MAPT: variants seen among roughly 807,000 people sequenced by gnomAD.
MAPT encodes microtubule-associated protein tau.
In MAPT, 34 loss-of-function variants were observed where a neutral mutation model predicts 67.9. That is an observed-to-expected ratio of 0.50 (90% CI 0.38 to 0.67). The LOEUF (loss-of-function observed/expected upper bound fraction) is 0.67, where lower values mean the gene tolerates loss of function less well. Among genes scored for constraint, MAPT ranks in the 30% least tolerant of loss-of-function variants. The pLI, the probability that MAPT is intolerant of heterozygous loss-of-function variation, is 0.00. For missense variants in MAPT, 881 were observed against 1,115.2 expected, an observed-to-expected ratio of 0.79 and a Z score of 2.99; for synonymous variants, 456 against 464.5, an observed-to-expected ratio of 0.98 and a Z score of 0.23.
rs118109282 is a variant in MAPT at position 46,014,051 on chromosome 17, C to T, written c.2092-192C>T. Among the ~76,000 whole-genome samples the T allele has an allele frequency of 6.4e-3, 982 of 152,316 alleles. 5 individuals are homozygous for T. Among genetic ancestry groups the T allele is most frequent in the Non-Finnish European group, 0.011 (728 of 68,034 alleles). On this transcript the variant is annotated intron_variant, in intron 10 of 12. Transcript: ENST00000262410. ...CAGGGTTGGCAGAATTTCGACAACA[C>T]ATTTTTCCACCCTGACTAGGATGTG... is the stretch of plus-strand genomic sequence containing the variant.
chr17:45,990,713 A>G (rs2073994524), intron 7 of MAPT, among the ~76,000 whole-genome samples: 1 of 152,196 alleles, frequency 6.6e-6, no homozygotes, highest in South Asian at 2.1e-4. Context: ...GGACAGCATC[A>G]CGCCATAGCA....
chr17:45,986,673 A>G (rs2073572161), intron 5 of MAPT, among the ~76,000 whole-genome samples: 1 of 152,182 alleles, frequency 6.6e-6, no homozygotes, highest in Non-Finnish European at 1.5e-5. Flanking sequence ...CAGTGGGGTG[A>G]GGCTGACCCT....
At chr17:45,931,100 T>C (rs1409861947) in intron 1 of MAPT, among the ~76,000 whole-genome samples, 1 of 152,172 alleles carries the variant, frequency 6.6e-6, no homozygotes, top group Non-Finnish European at 1.5e-5. Flanking sequence ...ATTGATGGTC[T>C]GGGGGAAAAG....
intron 1 of MAPT, among the ~76,000 whole-genome samples, chr17:45,930,968 C>A (rs2066800978): frequency 6.6e-6 from 1 of 152,148 alleles, no homozygotes; most frequent in Non-Finnish European, 1.5e-5. Flanking sequence ...ATGTCACATC[C>A]CGGCCCCAAG....
At chr17:46,009,614 G>C (rs2075685676) in intron 9 of MAPT, among the ~76,000 whole-genome samples, 1 of 152,184 alleles carries the variant, frequency 6.6e-6, no homozygotes, top group Non-Finnish European at 1.5e-5. Flanking sequence ...CCCCTTGCAG[G>C]GACAGAGCCC....
At chr17:46,013,600 T>C (rs977033969) in intron 10 of MAPT, among the ~76,000 whole-genome samples, 2 of 152,242 alleles carry the variant, frequency 1.3e-5, no homozygotes, top group Non-Finnish European at 2.9e-5. Flanking sequence ...TCCAGGACAC[T>C]GAGTGTGCAG....
At chr17:45,913,381 CAT>C (rs769272924) in intron 1 of MAPT, among the ~76,000 whole-genome samples, 4 of 152,220 alleles carry the variant, frequency 2.6e-5, no homozygotes, top group Non-Finnish European at 5.9e-5. Context: ...CCTCCCACAA[CAT>C]GTGGGAATTC....
At chr17:45,992,751 C>T (rs1299145492) in intron 8 of MAPT, among the ~76,000 whole-genome samples, 4 of 152,048 alleles carry the variant, frequency 2.6e-5, no homozygotes, top group Admixed American at 6.6e-5. Context: ...ATTAGCTGGG[C>T]GTGGTGGCGG....
At chr17:45,916,741 G>A (rs961825413) in intron 1 of MAPT, among the ~76,000 whole-genome samples, 2 of 152,230 alleles carry the variant, frequency 1.3e-5, no homozygotes, top group Admixed American at 6.5e-5. Context: ...ATCACAAGGT[G>A]TTAAGGACCA....
intron 9 of MAPT, among the ~76,000 whole-genome samples, chr17:46,006,853 G>A (rs912972863): frequency 1.3e-4 from 20 of 152,040 alleles, no homozygotes; most frequent in African/African-American, 4.3e-4. Flanking sequence ...AACCCGGGAG[G>A]CGGAGCTTGC....
At chr17:45,922,510 C>A (rs1463507914) in intron 1 of MAPT, among the ~76,000 whole-genome samples, 1 of 142,788 alleles carries the variant, frequency 7.0e-6, no homozygotes, top group African/African-American at 2.5e-5. Context: ...CACACACACA[C>A]ACACACACAG....
At chr17:45,969,068 C>G (rs1410059206) in intron 2 of MAPT, 1 of 152,178 alleles carries the variant, frequency 6.6e-6, no homozygotes, top group Non-Finnish European at 1.5e-5. Flanking sequence ...TCCAGTCTTC[C>G]AGAGTTGAGT....
chr17:45,966,422 TA>T (rs569775987), intron 2 of MAPT, among the ~76,000 whole-genome samples: 18 of 151,746 alleles, frequency 1.2e-4, no homozygotes, highest in Admixed American at 7.9e-4. Flanking sequence ...ATCCTGTCTC[TA>T]AAAAAAATCA....
intron 10 of MAPT, among the ~76,000 whole-genome samples, chr17:46,011,742 T>C (rs76723223): frequency 0.14 from 21,800 of 152,082 alleles, 2,132 homozygotes; most frequent in Non-Finnish European, 0.22. Flanking sequence ...GGCTCCGGGG[T>C]GGGCTGTCTC....
intron 12 of MAPT, among the ~76,000 whole-genome samples, chr17:46,023,485 G>T (rs1397346812): frequency 6.6e-6 from 1 of 152,338 alleles, no homozygotes; most frequent in East Asian, 1.9e-4. Flanking sequence ...GTACCTGGGT[G>T]CCTGGGAGGC....
chr17:45,915,191 G>C lies in MAPT; in HGVS notation c.-18+20505G>C, dbSNP rs927302364. The stretch of plus-strand genomic sequence containing the variant: ...GATCTGGCCTAACCCTGTCATGTTA[G>C]AGACTGGAGTGCGTGTGTGTGCGCG... On this transcript the variant is annotated intron_variant, in intron 1 of 12. Transcript: ENST00000262410. The surrounding 1 kb of genome is among the most constrained non-coding windows in gnomAD (Gnocchi z 4.4). 4.6e-5 allele frequency among the ~76,000 whole-genome samples: 7 copies of C among 152,154 alleles called. No individual in the cohort carries two copies. Among genetic ancestry groups the C allele is most frequent in the Admixed American group, 2.6e-4 (4 of 15,264 alleles).
intron 4 of MAPT, among the ~76,000 whole-genome samples, chr17:45,982,073 C>T (rs2073023208): frequency 6.6e-6 from 1 of 151,316 alleles, no homozygotes; most frequent in African/African-American, 2.4e-5. Flanking sequence ...GCCTGTAATC[C>T]CAGCACTTTG....
At chr17:45,928,485 T>C (rs2066559308) in intron 1 of MAPT, among the ~76,000 whole-genome samples, 1 of 152,180 alleles carries the variant, frequency 6.6e-6, no homozygotes, top group Non-Finnish European at 1.5e-5. Flanking sequence ...ACAAGGCACC[T>C]GCACAAGGGC....
intron 12 of MAPT, among the ~76,000 whole-genome samples, chr17:46,022,303 G>A (rs55726761): frequency 0.15 from 21,679 of 146,476 alleles, 2,149 homozygotes; most frequent in Middle Eastern, 0.23. Context: ...GCAGTGAGCT[G>A]AGATCGTGCC....
Sources: allele counts gnomAD v4.1 joint callset (sites outside exome capture counted in the v4.1 genomes callset), GRCh38; gene constraint gnomAD v4.1.1; non-coding constraint Gnocchi (gnomAD v3.1); transcripts MANE v1.5; gene names NCBI Gene and HGNC (gene_info 2026-07-23, HGNC 2026-07-21).